ATF2: variants seen among roughly 807,000 people sequenced by gnomAD.
The protein encoded by ATF2 is activating transcription factor 2, also known as cyclic AMP-dependent transcription factor ATF-2.
In ATF2, 24 loss-of-function variants were observed where a neutral mutation model predicts 60.6. The ratio of observed to expected loss-of-function variants is 0.40; its 90% CI spans 0.29 to 0.56. The LOEUF (loss-of-function observed/expected upper bound fraction) is 0.56, where lower values mean the gene tolerates loss of function less well. Ranked by LOEUF, ATF2 falls within the 20% of genes least tolerant of loss-of-function variation. The pLI, the probability that ATF2 is intolerant of heterozygous loss-of-function variation, is 0.54. For synonymous variants in ATF2, 206 were observed against 215.4 expected (o/e 0.96, Z 0.38); for missense variants, 433 against 607.7 (o/e 0.71, Z 3.02).
intron 13 of ATF2, among the ~76,000 whole-genome samples, chr2:175,077,256 A>T (rs1693397448): frequency 6.6e-6 from 1 of 152,166 alleles, no homozygotes; most frequent in African/African-American, 2.4e-5. Context: ...TGCAATAAAC[A>T]TACATTTGCA....
rs1253552788 is a variant in ATF2, at chr2:175,111,559, C to G, written c.828+9G>C. 4.4e-6 allele frequency: 7 copies of G among 1,606,304 alleles called. No homozygotes were observed. The highest frequency in any genetic ancestry group is 6.0e-6 in the Non-Finnish European group (7 of 1,173,438). On this transcript the variant is annotated intron_variant, in intron 10 of 13. Transcript: ENST00000264110. ...AAGCAATGTACAGAACAAATAAAAT[C>G]TGGCTTACCATTTTTGCTTCTGACT...
chr2:175,115,202 T>C (rs1696468393), intron 7 of ATF2, among the ~76,000 whole-genome samples: 1 of 151,922 alleles, frequency 6.6e-6, no homozygotes, highest in South Asian at 2.1e-4. Context: ...TCTCAGAGAA[T>C]CACAGAACTT....
chr2:175,086,798 T>C (rs1694201344), intron 12 of ATF2, among the ~76,000 whole-genome samples: 1 of 152,112 alleles, frequency 6.6e-6, no homozygotes, highest in South Asian at 2.1e-4. Context: ...TTTCTAAAAA[T>C]AAAGATAGGC....
intron 1 of ATF2, among the ~76,000 whole-genome samples, chr2:175,160,445 C>A (rs903446577): frequency 3.3e-5 from 5 of 152,178 alleles, no homozygotes; most frequent in African/African-American, 1.2e-4. Flanking sequence ...GATAAGCTCA[C>A]CTCTTTCTTC....
Position 175,118,344 on chromosome 2 carries a change from G to GA in ATF2, c.224dup (p.Lys77GlufsTer4). The stretch of plus-strand genomic sequence containing the variant: ...AACCCACTTCTTCACAGTTTTTCAA[G>GA]AATCTTGTTGGTGTTGGGGTCTGAT... On this transcript the variant is annotated frameshift_variant, in exon 6 of 14. Coordinates refer to ENST00000264110, the MANE Select transcript of ATF2 (RefSeq NM_001880.4). LOFTEE classifies it high-confidence loss of function. 1 of 1,610,338 alleles carries GA rather than the reference G, an allele frequency of 6.2e-7. No homozygotes were observed.
In ATF2 at chr2:175,118,002, G is replaced by C. The variant is rs750705271; in HGVS notation, c.435C>G (p.Thr145=). 1.2e-6 allele frequency: 2 copies of C among 1,604,312 alleles called. No individual in the cohort carries two copies. Among genetic ancestry groups the C allele is most frequent in the Admixed American group, 3.4e-5 (2 of 58,152 alleles). Residue 145 remains threonine (T), a synonymous_variant, in exon 7 of 14, where the codon ACC becomes ACG. Coordinates refer to ENST00000264110, the MANE Select transcript of ATF2 (RefSeq NM_001880.4). ...DSPLPHPEST[T]SDEKEVPLAQ... is the part of the protein sequence containing the mutation. ...AAAAATTTCTAACCTTCTCATCACTGGTAGTAGACTCTGGGTGAGGTAAAG... is the reference window on the plus strand; with the variant it reads ...AAAAATTTCTAACCTTCTCATCACTCGTAGTAGACTCTGGGTGAGGTAAAG...
chr2:175,080,430 T>A (rs752140665), intron 13 of ATF2: 12 of 319,868 alleles, frequency 3.8e-5, no homozygotes, highest in Non-Finnish European at 5.7e-5. Flanking sequence ...ATCCATTTTG[T>A]TGATCTATAG....
intron 8 of ATF2, 85 bp from the exon 9 acceptor site, chr2:175,114,193 T>A: frequency 6.9e-7 from 1 of 1,454,878 alleles, no homozygotes; most frequent in Non-Finnish European, 9.1e-7. Context: ...TTTACTCCTA[T>A]AATCATATCA....
intron 3 of ATF2, among the ~76,000 whole-genome samples, chr2:175,134,905 G>A (rs764025112): frequency 2.0e-4 from 31 of 151,292 alleles, no homozygotes; most frequent in Non-Finnish European, 5.9e-5. Context: ...TCTGGAGGCT[G>A]AGGCAGGAGG....
intron 1 of ATF2, among the ~76,000 whole-genome samples, chr2:175,155,026 C>T (rs1046466326): frequency 1.3e-5 from 2 of 152,106 alleles, no homozygotes; most frequent in African/African-American, 2.4e-5. Flanking sequence ...AGGAGGTGGA[C>T]AGTCTTTCAA....
At chr2:175,155,242 C>G (rs1219596084) in intron 1 of ATF2, among the ~76,000 whole-genome samples, 3 of 152,202 alleles carry the variant, frequency 2.0e-5, no homozygotes, top group African/African-American at 7.2e-5. Flanking sequence ...CCATACCTAT[C>G]CCCATCCCAA....
chr2:175,149,434 C>A (rs754190424), intron 2 of ATF2, among the ~76,000 whole-genome samples: 4 of 152,096 alleles, frequency 2.6e-5, no homozygotes, highest in Non-Finnish European at 5.9e-5. Context: ...ATTTTAAGTA[C>A]GTGAACTAAA....
chr2:175,152,044 C>T (rs947915923), intron 1 of ATF2, among the ~76,000 whole-genome samples: 6 of 152,068 alleles, frequency 3.9e-5, no homozygotes, highest in African/African-American at 1.4e-4. Context: ...GGAAATATGT[C>T]CTTTATTTCA....
intron 1 of ATF2, among the ~76,000 whole-genome samples, chr2:175,165,878 A>G (rs1574527468): frequency 6.6e-6 from 1 of 152,100 alleles, no homozygotes. Flanking sequence ...GTTAGCTAGG[A>G]TGGTCTCGAT....
chr2:175,075,305 G>A (rs1693216034), intron 13 of ATF2, among the ~76,000 whole-genome samples: 1 of 152,092 alleles, frequency 6.6e-6, no homozygotes, highest in African/African-American at 2.4e-5. Context: ...CTCCAGAACT[G>A]TATTTATTCT....
At chr2:175,096,038 T>C (rs959101973) in intron 11 of ATF2, among the ~76,000 whole-genome samples, 3 of 152,206 alleles carry the variant, frequency 2.0e-5, no homozygotes, top group African/African-American at 7.2e-5. Flanking sequence ...CATTATATAT[T>C]AAGTTTTTAA....
rs193125814 is a variant in ATF2, at chr2:175,102,167, A to G, written c.829-4574T>C. ...GAGATAATGAAAGTCAATTAGTCCA[A>G]TCACCATCTTACAGATACAGAAACT... On this transcript the variant is annotated intron_variant, in intron 10 of 13. Transcript: ENST00000264110. 2.4e-3 allele frequency among the ~76,000 whole-genome samples: 373 copies of G among 152,320 alleles called. 2 individuals carry two copies. The highest frequency in any genetic ancestry group is 9.6e-3 in the Admixed American group (147 of 15,304).
At chr2:175,145,908 T>G (rs1212366592) in intron 2 of ATF2, among the ~76,000 whole-genome samples, 1 of 152,176 alleles carries the variant, frequency 6.6e-6, no homozygotes, top group African/African-American at 2.4e-5. Context: ...AACTGAACAT[T>G]TGATAAGAAA....
chr2:175,121,780 T>G (rs1559087386), intron 4 of ATF2, among the ~76,000 whole-genome samples: 3 of 151,526 alleles, frequency 2.0e-5, no homozygotes, highest in African/African-American at 7.3e-5. Flanking sequence ...ATAACTCATT[T>G]GAGAGCATTT....
Sources: gnomAD v4.1 joint callset for allele counts (sites outside exome capture counted in the v4.1 genomes callset) on GRCh38, gnomAD v4.1.1 for gene constraint, MANE v1.5 for transcripts, NCBI Gene and HGNC (gene_info 2026-07-23, HGNC 2026-07-21) for gene names.